The following CLDN16 variants were observed in gnomAD, a reference collection of about 807,000 sequenced individuals.
CLDN16 encodes the protein claudin 16.
CLDN16 carries 13 observed loss-of-function variants against 24.6 expected under a neutral mutation model. That is an observed-to-expected ratio of 0.53 (90% CI 0.34 to 0.84). The LOEUF (loss-of-function observed/expected upper bound fraction) is 0.84, where lower values mean the gene tolerates loss of function less well. Ranked by LOEUF, CLDN16 falls within the 40% of genes least tolerant of loss-of-function variation. CLDN16 has a pLI of 0.01. For missense variants in CLDN16, 298 were observed against 292.7 expected, an observed-to-expected ratio of 1.02 and a Z score of -0.13; for synonymous variants, 116 against 106.7, an observed-to-expected ratio of 1.09 and a Z score of -0.54.
chr3:190,369,315 A>G (rs950092400), intron 1 of CLDN16, among the ~76,000 whole-genome samples: 1 of 151,946 alleles, frequency 6.6e-6, no homozygotes, highest in African/African-American at 2.4e-5. Context: ...AATGATTACC[A>G]TTAAGGTTCC....
At chr3:190,390,571 C>T (rs1041935321) in intron 1 of CLDN16, among the ~76,000 whole-genome samples, 3 of 152,158 alleles carry the variant, frequency 2.0e-5, no homozygotes, top group East Asian at 1.9e-4. Context: ...GTAACAAATC[C>T]GGCTCCCTTC....
In CLDN16 at chr3:190,363,554, GTGTATATATATATATATATA is replaced by G. The variant is rs1443702078; in HGVS notation, n.122-7337_122-7318del. Among the ~76,000 whole-genome samples, 52 of 81,354 alleles carry G rather than the reference GTGTATATATATATATATATA, an allele frequency of 6.4e-4. 5 individuals carry two copies. The highest frequency in any genetic ancestry group is 1.3e-3 in the East Asian group (3 of 2,268). The allele number at this position is 81,354 out of a possible 152,430, so 53.4% of individuals were successfully genotyped here. A position where few individuals can be genotyped will look rare whatever the true frequency, so the allele number is the denominator to read the frequency against. ...CCAGTTGCTGTGCGTGTGTGTGTGT[GTGTATATATATATATATATA>G]TATATATATATATATATATATATTT... On this transcript the variant is annotated intron_variant and non_coding_transcript_variant, in intron 1 of 4. Coordinates refer to the CLDN16 transcript ENST00000468220.
rs187002652 is a variant in CLDN16, at chr3:190,400,033, C to T, written c.115-2304C>T. Among the ~76,000 whole-genome samples, 190 of 152,294 alleles carry T rather than the reference C, an allele frequency of 1.2e-3. 1 individual carries two copies. In the East Asian group the frequency reaches 0.015, roughly 12 times the overall value. On this transcript the variant is annotated intron_variant, in intron 1 of 4. Transcript: ENST00000264734. ...TTCATCCAAAAGCATCCCCAACCCC[C>T]TACCCACTGGTTCCATGGAAAAATT...
intron 1 of CLDN16, among the ~76,000 whole-genome samples, chr3:190,341,585 G>C (rs1370296095): frequency 6.6e-6 from 1 of 152,128 alleles, no homozygotes; most frequent in African/African-American, 2.4e-5. Context: ...TGATGGGAGG[G>C]GCTGCCACAA....
chr3:190,300,875 T>A, the CLDN16 span, among the ~76,000 whole-genome samples: 8 of 152,256 alleles, frequency 5.3e-5, no homozygotes, highest in South Asian at 1.4e-3. Context: ...GGCTGGTCTG[T>A]GACCCTAACA....
At chr3:190,362,486 C>T (rs866619975) in intron 1 of CLDN16, among the ~76,000 whole-genome samples, 2 of 151,846 alleles carry the variant, frequency 1.3e-5, no homozygotes, top group African/African-American at 2.4e-5. Context: ...TTAAAAACTC[C>T]GATCCTCAAA....
At chr3:190,293,040 C>A in the CLDN16 span, among the ~76,000 whole-genome samples, 3 of 152,154 alleles carry the variant, frequency 2.0e-5, no homozygotes, top group Non-Finnish European at 4.4e-5. Context: ...CTGTATTAGT[C>A]TATTTTAACA....
chr3:190,339,676 T>C (rs954162095), intron 1 of CLDN16, among the ~76,000 whole-genome samples: 1 of 152,222 alleles, frequency 6.6e-6, no homozygotes, highest in East Asian at 1.9e-4. Flanking sequence ...CCTGCAAGAA[T>C]TGAAACCACA....
At chr3:190,330,045 CCA>C (rs201232503) in intron 1 of CLDN16, among the ~76,000 whole-genome samples, 4,738 of 147,580 alleles carry the variant, frequency 0.032, 112 homozygotes, top group South Asian at 0.081. Flanking sequence ...CGTCCCCCCT[CCA>C]CCAGCATCAC....
the CLDN16 span, among the ~76,000 whole-genome samples, chr3:190,304,055 C>T: frequency 6.6e-6 from 1 of 152,208 alleles, no homozygotes; most frequent in African/African-American, 2.4e-5. Context: ...TTGCAATCCA[C>T]ACAGTATGTT....
At chr3:190,382,045 T>C (rs568513785) in intron 3 of CLDN16, among the ~76,000 whole-genome samples, 16 of 152,004 alleles carry the variant, frequency 1.1e-4, no homozygotes, top group African/African-American at 3.9e-4. Flanking sequence ...AGCCTCAACT[T>C]GTGAGATTAA....
At chr3:190,352,054 T>C (rs1257461846) in intron 1 of CLDN16, among the ~76,000 whole-genome samples, 1 of 151,834 alleles carries the variant, frequency 6.6e-6, no homozygotes, top group Non-Finnish European at 1.5e-5. Flanking sequence ...CACAGGTAAT[T>C]AATGGTCTTA....
chr3:190,366,228 TTTTC>T (rs1395163036), intron 1 of CLDN16, among the ~76,000 whole-genome samples: 2 of 152,056 alleles, frequency 1.3e-5, no homozygotes, highest in African/African-American at 2.4e-5. Context: ...TAGGCTTTCA[TTTTC>T]TTTCTTTCTT....
At chr3:190,399,252 C>T (rs1718898725) in intron 1 of CLDN16, among the ~76,000 whole-genome samples, 1 of 152,020 alleles carries the variant, frequency 6.6e-6, no homozygotes, top group South Asian at 2.1e-4. Flanking sequence ...GCCTGTAATC[C>T]CAGCACTTTG....
intron 3 of CLDN16, among the ~76,000 whole-genome samples, chr3:190,376,866 T>A (rs1013528179): frequency 2.0e-5 from 3 of 151,952 alleles, no homozygotes; most frequent in Non-Finnish European, 2.9e-5. Context: ...TTTTAAGAAA[T>A]GGCAATGCCT....
At chr3:190,364,925 C>G (rs1387043370) in intron 1 of CLDN16, among the ~76,000 whole-genome samples, 2 of 151,350 alleles carry the variant, frequency 1.3e-5, no homozygotes, top group Non-Finnish European at 3.0e-5. Context: ...TTTAGGGCTT[C>G]TCTTCACCGG....
At chr3:190,385,534 A>G (rs1718473395), upstream of CLDN16, among the ~76,000 whole-genome samples, 1 of 151,654 alleles carries the variant, frequency 6.6e-6, no homozygotes, top group Non-Finnish European at 1.5e-5. Flanking sequence ...TACAATGTTC[A>G]GTGACCATTA....
chr3:190,409,745 C>T (rs1321889068), intron 4 of CLDN16, among the ~76,000 whole-genome samples, 158 bp from the exon 5 acceptor site: 2 of 151,990 alleles, frequency 1.3e-5, no homozygotes, highest in Non-Finnish European at 2.9e-5. Flanking sequence ...GAATGAAAAT[C>T]TTAAATTGTC....
At chr3:190,291,147 C>A in the CLDN16 span, among the ~76,000 whole-genome samples, 1 of 152,096 alleles carries the variant, frequency 6.6e-6, no homozygotes. Flanking sequence ...AAATGGCCTG[C>A]AGTGGGACTA....
Sources: gnomAD v4.1 joint callset for allele counts (sites outside exome capture counted in the v4.1 genomes callset) on GRCh38, gnomAD v4.1.1 for gene constraint, MANE v1.5 for transcripts, NCBI Gene and HGNC (gene_info 2026-07-23, HGNC 2026-07-21) for gene names.